Variants in FZD4 observed in about 807,000 individuals in gnomAD.
The protein encoded by FZD4 is frizzled class receptor 4.
A neutral mutation model predicts 37.3 loss-of-function variants in FZD4; 16 were observed. The ratio of observed to expected loss-of-function variants is 0.43; its 90% CI spans 0.29 to 0.65. The LOEUF is 0.65. Ranked by LOEUF, FZD4 falls within the 30% of genes least tolerant of loss-of-function variation. The probability of loss-of-function intolerance (pLI) is 0.16; values close to 1 mark genes in which losing one functional copy is unlikely to be tolerated. For missense variants in FZD4, 599 were observed against 674.3 expected, an observed-to-expected ratio of 0.89 and a Z score of 1.24; for synonymous variants, 246 against 254.8, an observed-to-expected ratio of 0.97 and a Z score of 0.33.
rs1273285740 is a variant in FZD4 at position 86,951,305 on chromosome 11, G to A, written c.1451C>T (p.Ser484Phe). 10 of 1,613,964 alleles carry A rather than the reference G, an allele frequency of 6.2e-6. No homozygotes were observed. The East Asian group carries it at 8.9e-5, about 14-fold the overall frequency. Residue 484 changes from serine (S) to phenylalanine (F), a missense_variant, in exon 2 of 2, where the codon TCT becomes TTT. Around this residue, in one of 3 missense-constraint regions of FZD4, gnomAD observed 203 missense variants for 196.8 expected, o/e 1.03. Transcript: ENST00000531380. ...MAVEMLKIFM[S>F]LLVGITSGMW... is the part of the protein sequence containing the mutation. The stretch of plus-strand genomic sequence containing the variant: ...GCCTGAAGTGATGCCCACCAACAAA[G>A]ACATAAAAATTTTCAACATTTCAAC...
rs1012272939 is a variant in FZD4 at position 86,949,569 on chromosome 11, A to C, written c.*1573T>G. The C allele has an allele frequency of 6.6e-6, 1 of 152,612 alleles. No homozygotes were observed. Among genetic ancestry groups the C allele is most frequent in the African/African-American group, 2.4e-5 (1 of 41,468 alleles). The allele number at this position is 152,612 out of a possible 1,614,324, so 9.5% of individuals were successfully genotyped here. A position where few individuals can be genotyped will look rare whatever the true frequency, so the allele number is the denominator to read the frequency against. On this transcript the variant is annotated 3_prime_UTR_variant, in exon 2 of 2. Coordinates refer to ENST00000531380, the MANE Select transcript of FZD4 (RefSeq NM_012193.4). ...TTGTCCCCAAGATCTCATGATTAGAACGCCTAAGGCAAGGTAAGAGAAAGG... is the reference window on the plus strand; with the variant it reads ...TTGTCCCCAAGATCTCATGATTAGACCGCCTAAGGCAAGGTAAGAGAAAGG...
In FZD4 at chr11:86,949,670, A is replaced by C. The variant is rs1187485000; in HGVS notation, c.*1472T>G. 1 of 152,676 alleles carries C rather than the reference A, an allele frequency of 6.5e-6. No homozygotes were observed. The highest frequency in any genetic ancestry group is 1.5e-5 in the Non-Finnish European group (1 of 68,044). The allele number at this position is 152,676 out of a possible 1,614,324, so 9.5% of individuals were successfully genotyped here. ...CCCCCTTGTGAAGAACGTATGCATA[A>C]ATTTTAAAAGCTTTGGATACCTCTG... On this transcript the variant is annotated 3_prime_UTR_variant, in exon 2 of 2. Coordinates refer to ENST00000531380, the MANE Select transcript of FZD4 (RefSeq NM_012193.4).
chr11:86,948,330 G>T lies in FZD4; in HGVS notation c.*2812C>A, dbSNP rs1949261197. 1 of 151,954 alleles carries T rather than the reference G, an allele frequency of 6.6e-6. No homozygotes were observed. Among genetic ancestry groups the T allele is most frequent in the East Asian group, 1.9e-4 (1 of 5,196 alleles). The allele number at this position is 151,954 out of a possible 1,614,324, so 9.4% of individuals were successfully genotyped here. A position where few individuals can be genotyped will look rare whatever the true frequency, so the allele number is the denominator to read the frequency against. ...GTGCGTCCCCATCCTAGATCAGTTA[G>T]AAGAACAGAGATTATCTATTTCAGG... On this transcript the variant is annotated 3_prime_UTR_variant, in exon 2 of 2. Coordinates refer to ENST00000531380, the MANE Select transcript of FZD4 (RefSeq NM_012193.4).
At position 86,951,118 on chromosome 11, in the gene FZD4, A is replaced by T; in HGVS notation, c.*24T>A. On this transcript the variant is annotated 3_prime_UTR_variant, in exon 2 of 2. Coordinates refer to ENST00000531380, the MANE Select transcript of FZD4 (RefSeq NM_012193.4). The stretch of plus-strand genomic sequence containing the variant: ...GCTGGCATTCCCCCCTTCAAAATGA[A>T]GAAAGCATGGAGGCTGACTAGCCTT... 6.2e-7 allele frequency: 1 copy of T among 1,612,748 alleles called. No homozygotes were observed. The highest frequency in any genetic ancestry group is 1.1e-5 in the South Asian group (1 of 91,066).
rs1024361751 is a variant in FZD4, at chr11:86,954,813, G to A, written c.273C>T (p.Ser91=). The A allele has an allele frequency of 3.1e-6, 5 of 1,609,228 alleles. No homozygotes were observed. The highest frequency in any genetic ancestry group is 4.2e-6 in the Non-Finnish European group (5 of 1,178,104). ...TFTPLIQYGC[S]SQLQFFLCSV... is the part of the protein sequence containing the mutation. ...TGGGGGCGCCCACCTGCAGCTGGCTGGAGCAGCCGTACTGGATGAGCGGTG... is the reference window on the plus strand; with the variant it reads ...TGGGGGCGCCCACCTGCAGCTGGCTAGAGCAGCCGTACTGGATGAGCGGTG... The change falls in exon 1 of 2, where the codon TCC becomes TCT. Residue 91 remains serine (S), a synonymous_variant. Coordinates refer to ENST00000531380, the MANE Select transcript of FZD4 (RefSeq NM_012193.4).
chr11:86,953,305 C>T (rs1477301079), intron 1 of FZD4, among the ~76,000 whole-genome samples: 1 of 152,186 alleles, frequency 6.6e-6, no homozygotes, highest in East Asian at 1.9e-4. Context: ...CCGCTTTCCC[C>T]AGGATACATG....
rs1382170161 is a variant in FZD4 at position 86,949,646 on chromosome 11, C to T, written c.*1496G>A. ...ATTTTCGAGAGGCTGCTGGGGGTAC[C>T]CCCTTGTGAAGAACGTATGCATAAA... On this transcript the variant is annotated 3_prime_UTR_variant, in exon 2 of 2. Coordinates refer to ENST00000531380, the MANE Select transcript of FZD4 (RefSeq NM_012193.4). 6.6e-6 allele frequency: 1 copy of T among 152,608 alleles called. No individual in the cohort carries two copies. Among genetic ancestry groups the T allele is most frequent in the Non-Finnish European group, 1.5e-5 (1 of 68,042 alleles). The allele number at this position is 152,608 out of a possible 1,614,324, so 9.5% of individuals were successfully genotyped here. A position where few individuals can be genotyped will look rare whatever the true frequency, so the allele number is the denominator to read the frequency against.
chr11:86,953,570 T>G (rs930084725), intron 1 of FZD4, among the ~76,000 whole-genome samples: 2 of 151,772 alleles, frequency 1.3e-5, no homozygotes, highest in Non-Finnish European at 2.9e-5. Flanking sequence ...GCTGTATGTC[T>G]GTTTATTATC....
chr11:86,955,106 G>A lies in FZD4; in HGVS notation c.-21C>T, dbSNP rs769157239. 17 of 1,465,672 alleles carry A rather than the reference G, an allele frequency of 1.2e-5. No individual in the cohort carries two copies. The highest frequency in any genetic ancestry group is 1.4e-5 in the Non-Finnish European group (16 of 1,113,984). The allele number at this position is 1,465,672 out of a possible 1,614,324, so 90.8% of individuals were successfully genotyped here. A position where few individuals can be genotyped will look rare whatever the true frequency, so the allele number is the denominator to read the frequency against. On this transcript the variant is annotated 5_prime_UTR_variant, in exon 1 of 2. Coordinates refer to ENST00000531380, the MANE Select transcript of FZD4 (RefSeq NM_012193.4). ...GCCATGGCCAGCATCGGGGGTAGCA[G>A]CGGCAGCGGCTGGGGCTGCTCTGGC...
rs1949258244 is a variant in FZD4, at chr11:86,948,041, G to A, written c.*3101C>T. Reference sequence around the variant, plus strand: ...AGCAGATGTGTGGGCCCATGTCCTTGTGGCCTACTCTCATAGTCTTCCTAA... The same window carrying A: ...AGCAGATGTGTGGGCCCATGTCCTTATGGCCTACTCTCATAGTCTTCCTAA... On this transcript the variant is annotated 3_prime_UTR_variant, in exon 2 of 2. Transcript: ENST00000531380. The A allele has an allele frequency of 1.3e-5, 2 of 151,916 alleles. No individual in the cohort carries two copies. Among genetic ancestry groups the A allele is most frequent in the African/African-American group, 4.9e-5 (2 of 41,128 alleles). The allele number at this position is 151,916 out of a possible 1,614,324, so 9.4% of individuals were successfully genotyped here. A position where few individuals can be genotyped will look rare whatever the true frequency, so the allele number is the denominator to read the frequency against.
chr11:86,950,962 C>T lies in FZD4; in HGVS notation c.*180G>A. 1.5e-6 allele frequency: 1 copy of T among 688,530 alleles called. No homozygotes were observed. Among genetic ancestry groups the T allele is most frequent in the Non-Finnish European group, 2.5e-6 (1 of 397,158 alleles). The allele number at this position is 688,530 out of a possible 1,614,324, so 42.7% of individuals were successfully genotyped here. ...TTTTGGATCATTCCAAAGTCTGCAG[C>T]AAAATCATTGGTTTTTTGATGCTGG... is the stretch of plus-strand genomic sequence containing the variant. On this transcript the variant is annotated 3_prime_UTR_variant, in exon 2 of 2. Transcript: ENST00000531380.
At position 86,948,539 on chromosome 11, in the gene FZD4, A is replaced by G. The variant is rs1949263322; in HGVS notation, c.*2603T>C. 1 of 152,196 alleles carries G rather than the reference A, an allele frequency of 6.6e-6. No homozygotes were observed. The highest frequency in any genetic ancestry group is 1.5e-5 in the Non-Finnish European group (1 of 68,042). 9.4% of individuals were successfully genotyped at this position (152,196 alleles called of 1,614,324 possible). On this transcript the variant is annotated 3_prime_UTR_variant, in exon 2 of 2. Transcript: ENST00000531380. The stretch of plus-strand genomic sequence containing the variant: ...TGAAAGGAGAGGCCTATAACCCTGT[A>G]GCATTGCTAAGGCTACTAATCCAAA...
At position 86,950,327 on chromosome 11, in the gene FZD4, G is replaced by C. The variant is rs1339653344; in HGVS notation, c.*815C>G. 1.3e-5 allele frequency: 2 copies of C among 152,658 alleles called. No homozygotes were observed. Among genetic ancestry groups the C allele is most frequent in the Non-Finnish European group, 2.9e-5 (2 of 68,060 alleles). The allele number at this position is 152,658 out of a possible 1,614,324, so 9.5% of individuals were successfully genotyped here. A position where few individuals can be genotyped will look rare whatever the true frequency, so the allele number is the denominator to read the frequency against. On this transcript the variant is annotated 3_prime_UTR_variant, in exon 2 of 2. Transcript: ENST00000531380. The stretch of plus-strand genomic sequence containing the variant: ...CTGAATTAAGTGATTGTCAGAAAGT[G>C]AATCACCCTTCCTTTTCCCCTCTTT...
chr11:86,952,519 A>C, intron 1 of FZD4, 49 bp from the exon 2 acceptor site: 1 of 1,597,358 alleles, frequency 6.3e-7, no homozygotes, highest in East Asian at 2.2e-5. Flanking sequence ...ATGACTTGGA[A>C]GTTTGACCAA....
At position 86,952,233 on chromosome 11, in the gene FZD4, T is replaced by C. The variant is rs1249654294; in HGVS notation, c.523A>G (p.Ile175Val). ...GAGTGACACTCTTCCCCAGGCTGGA[T>C]GGGGGTTTTGTGAGGTAAGGGCACC... is the stretch of plus-strand genomic sequence containing the variant. ...EEVPLPHKTP[I>V]QPGEECHSVG... The change falls in exon 2 of 2, where the codon ATC (isoleucine) becomes GTC (valine). Residue 175 changes from isoleucine (I) to valine (V), a missense_variant. Transcript: ENST00000531380. The C allele has an allele frequency of 4.3e-6, 7 of 1,613,988 alleles. No homozygotes were observed. Among genetic ancestry groups the C allele is most frequent in the Non-Finnish European group, 5.9e-6 (7 of 1,179,994 alleles).
In FZD4 at chr11:86,951,339, T is replaced by G. The variant is rs780102146; in HGVS notation, c.1417A>C (p.Asn473His). 8 of 1,613,794 alleles carry G rather than the reference T, an allele frequency of 5.0e-6. No individual in the cohort carries two copies. Among genetic ancestry groups the G allele is most frequent in the Non-Finnish European group, 6.8e-6 (8 of 1,179,758 alleles). The stretch of plus-strand genomic sequence containing the variant: ...ATTTTCAACATTTCAACAGCCATGT[T>G]GGAATCATCTGCAGAATACCGAAAA... ...ALFRYSADDS[N>H]MAVEMLKIFM... Residue 473 changes from asparagine (N) to histidine (H), a missense_variant, in exon 2 of 2, where the codon AAC becomes CAC. This residue lies in a region of FZD4 where 203 missense variants were observed against 196.8 expected (regional missense o/e 1.03). Coordinates refer to ENST00000531380, the MANE Select transcript of FZD4 (RefSeq NM_012193.4).
At chr11:86,954,328 C>A in intron 1 of FZD4, 2 of 985,308 alleles carry the variant, frequency 2.0e-6, no homozygotes, top group Non-Finnish European at 2.4e-6. Context: ...CGCTGCGGGA[C>A]GTCGTGAGAA....
chr11:86,952,345 A>C lies in FZD4; in HGVS notation c.411T>G (p.Phe137Leu). ...TGCAGTTCAGACTCTCTGGCCAGGC[A>C]AATCCAAATTCCTTCAGGACGGGTT... ...RCEPVLKEFGFAWPESLNCSK... is the reference protein window; with the variant it reads ...RCEPVLKEFGLAWPESLNCSK... The change falls in exon 2 of 2, where the codon TTT becomes TTG. Residue 137 changes from phenylalanine (F) to leucine (L), a missense_variant. Around this residue, in one of 3 missense-constraint regions of FZD4, gnomAD observed 357 missense variants for 396.1 expected, o/e 0.90. Coordinates refer to ENST00000531380, the MANE Select transcript of FZD4 (RefSeq NM_012193.4). 6.2e-7 allele frequency: 1 copy of C among 1,614,234 alleles called. No homozygotes were observed. Among genetic ancestry groups the C allele is most frequent in the Non-Finnish European group, 8.5e-7 (1 of 1,180,042 alleles).
intron 1 of FZD4, among the ~76,000 whole-genome samples, chr11:86,953,712 G>T (rs2135043758): frequency 6.6e-6 from 1 of 152,236 alleles, no homozygotes; most frequent in South Asian, 2.1e-4. Context: ...TGCCTCCTGG[G>T]TTCAAGCGAT....
Sources: gnomAD v4.1 joint callset for allele counts (sites outside exome capture counted in the v4.1 genomes callset) on GRCh38, gnomAD v4.1.1 for gene constraint, gnomAD v4.1.1 regional missense constraint, MANE v1.5 for transcripts, NCBI Gene and HGNC (gene_info 2026-07-23, HGNC 2026-07-21) for gene names.